The following MANBA variants were observed in gnomAD, a reference collection of about 807,000 sequenced individuals.
MANBA encodes mannosidase beta.
A neutral mutation model predicts 111.1 loss-of-function variants in MANBA; 83 were observed. The observed-to-expected ratio is 0.75, with a 90% CI of 0.63 to 0.90. The LOEUF is 0.90. Ranked by LOEUF, MANBA falls within the 40% of genes least tolerant of loss-of-function variation. The probability of loss-of-function intolerance (pLI) is 0.00; values close to 1 mark genes in which losing one functional copy is unlikely to be tolerated. For synonymous variants in MANBA, 370 were observed against 378.7 expected (o/e 0.98, Z 0.27); for missense variants, 1,036 against 1,069.0 (o/e 0.97, Z 0.43).
At position 102,723,025 on chromosome 4, in the gene MANBA, T is replaced by A. The variant is rs139801266; in HGVS notation, c.395A>T (p.Asn132Ile). ...AATGGAGTTCACGTCCCTGACCACGTTGGTAATATCAAAGCTCTAAGTTAA... is the reference window on the plus strand; with the variant it reads ...AATGGAGTTCACGTCCCTGACCACGATGGTAATATCAAAGCTCTAAGTTAA... ...MFNRYSFDITNVVRDVNSIEL... is the reference protein window; with the variant it reads ...MFNRYSFDITIVVRDVNSIEL... Residue 132 changes from asparagine to isoleucine, a missense_variant, in exon 4 of 17, where the codon AAC (asparagine) becomes ATC (isoleucine). Transcript: ENST00000647097. The A allele has an allele frequency of 1.9e-6, 3 of 1,613,840 alleles. No individual in the cohort carries two copies. The highest frequency in any genetic ancestry group is 2.5e-6 in the Non-Finnish European group (3 of 1,179,894).
At chr4:102,723,430 A>C (rs1722665218) in intron 3 of MANBA, among the ~76,000 whole-genome samples, 1 of 152,218 alleles carries the variant, frequency 6.6e-6, no homozygotes, top group African/African-American at 2.4e-5. Flanking sequence ...CGGTATGAAC[A>C]GCATGCATTT....
chr4:102,696,710 A>G (rs1732725043), intron 5 of MANBA, among the ~76,000 whole-genome samples: 1 of 152,194 alleles, frequency 6.6e-6, no homozygotes, highest in African/African-American at 2.4e-5. Context: ...TGCCTGGATT[A>G]GCTTTGCCCT....
At chr4:102,726,114 C>A in intron 2 of MANBA, among the ~76,000 whole-genome samples, 1 of 150,620 alleles carries the variant, frequency 6.6e-6, no homozygotes, top group Non-Finnish European at 1.5e-5. Flanking sequence ...AAAAAAAAAT[C>A]ACATAAAAGG....
At chr4:102,748,885 C>T (rs57680284) in intron 1 of MANBA, among the ~76,000 whole-genome samples, 1 of 151,936 alleles carries the variant, frequency 6.6e-6, no homozygotes, top group African/African-American at 2.4e-5. Context: ...TGCACTCCAG[C>T]CTGGGTGACA....
In MANBA at chr4:102,635,904, A is replaced by C. The variant is rs1729605350; in HGVS notation, c.2118T>G (p.Gly706=). ...AATAATCCGAGTGAAGATCTGACAC[A>C]CCATAGATATAGAACGTGTTTTCAT... ...FENENTFYIY[G]VSDLHSDYSM... is the part of the protein sequence containing the mutation. Residue 706 remains glycine, a synonymous_variant, in exon 15 of 17, where the codon GGT becomes GGG. Transcript: ENST00000647097. The C allele has an allele frequency of 6.2e-7, 1 of 1,612,190 alleles. No homozygotes were observed. Among genetic ancestry groups the C allele is most frequent in the Non-Finnish European group, 8.5e-7 (1 of 1,178,306 alleles).
chr4:102,663,438 A>C (rs190410677), intron 11 of MANBA, among the ~76,000 whole-genome samples: 323 of 152,340 alleles, frequency 2.1e-3, no homozygotes, highest in African/African-American at 7.2e-3. Context: ...TGAAAAACAT[A>C]ATATCAATAT....
intron 7 of MANBA, among the ~76,000 whole-genome samples, chr4:102,687,605 C>T (rs1307634957): frequency 6.6e-6 from 1 of 152,172 alleles, no homozygotes; most frequent in Admixed American, 6.5e-5. Context: ...TGCTACATTA[C>T]TTGGCCAAAT....
intron 9 of MANBA, 148 bp downstream of exon 9, chr4:102,671,133 G>T (rs771139630): frequency 3.1e-6 from 2 of 648,414 alleles, no homozygotes; most frequent in Non-Finnish European, 5.6e-6. Flanking sequence ...TATGGCTCTT[G>T]GTTTACAAGA....
intron 13 of MANBA, among the ~76,000 whole-genome samples, chr4:102,646,380 C>T (rs1370326361): frequency 6.6e-6 from 1 of 152,082 alleles, no homozygotes; most frequent in Non-Finnish European, 1.5e-5. Context: ...CAGCAGGTAT[C>T]ATCAAAACCT....
At chr4:102,757,344 AGCAGGCTGAAGGAATAACT>A (rs957307465) in intron 1 of MANBA, among the ~76,000 whole-genome samples, 2 of 151,970 alleles carry the variant, frequency 1.3e-5, no homozygotes, top group African/African-American at 4.8e-5. Context: ...AAAAAAAAAT[AGCAGGCTGAAGGAATAACT>A]TTTCACAGAG....
At chr4:102,650,017 G>T (rs1285679656) in intron 13 of MANBA, among the ~76,000 whole-genome samples, 2 of 152,144 alleles carry the variant, frequency 1.3e-5, no homozygotes, top group African/African-American at 4.8e-5. Context: ...AAGTAGTTGG[G>T]ACTACAGGTG....
chr4:102,760,562 G>C (rs1013003030), intron 1 of MANBA, among the ~76,000 whole-genome samples, 156 bp downstream of exon 1: 1 of 152,210 alleles, frequency 6.6e-6, no homozygotes, highest in African/African-American at 2.4e-5. Context: ...CATAGCTTGG[G>C]CATTTCCCCC....
rs371962590 is a variant in MANBA at position 102,632,226 on chromosome 4, A to T, written c.2471T>A (p.Val824Asp). 101 of 1,613,836 alleles carry T rather than the reference A, an allele frequency of 6.3e-5. No homozygotes were observed. The highest frequency in any genetic ancestry group is 8.1e-5 in the Non-Finnish European group (95 of 1,179,842). ...IFVFDLETSA[V>D]APFVWLDVGS... ...TACATCCAACCAAACAAAGGGAGCG[A>T]CAGCTGAGGTCTCCAGGTCAAAAAC... Residue 824 changes from valine (V) to aspartate (D), a missense_variant, in exon 17 of 17, where the codon GTC (valine) becomes GAC (aspartate). By Grantham distance (152) the Val-to-Asp change is radical. Coordinates refer to ENST00000647097, the MANE Select transcript of MANBA (RefSeq NM_005908.4).
chr4:102,697,884 G>T (rs918487322), intron 5 of MANBA, among the ~76,000 whole-genome samples: 8 of 151,996 alleles, frequency 5.3e-5, no homozygotes, highest in African/African-American at 1.7e-4. Context: ...GTAATGGGAT[G>T]GCTGGGTCAA....
chr4:102,694,174 A>G (rs753819411), intron 5 of MANBA, among the ~76,000 whole-genome samples: 13 of 152,144 alleles, frequency 8.5e-5, no homozygotes, highest in Admixed American at 2.6e-4. Context: ...CCAGAGCATC[A>G]CCCGTTAACA....
rs767103860 is a variant in MANBA, at chr4:102,760,818, C to A, written c.77G>T (p.Arg26Leu). ...TTAAELSYSL[R>L]GNWSICNGNG... is the part of the protein sequence containing the mutation. ...CCCATTGCAGATGCTCCAGTTGCCA[C>A]GCAAGCTGTAACTGAGCTCCGCGGC... The change falls in exon 1 of 17, where the codon CGT becomes CTT. Residue 26 changes from arginine (R) to leucine (L), a missense_variant. Physicochemically the swap from Arg to Leu is moderately radical, Grantham distance 102. Coordinates refer to ENST00000647097, the MANE Select transcript of MANBA (RefSeq NM_005908.4). 33 of 1,565,390 alleles carry A rather than the reference C, an allele frequency of 2.1e-5. No individual in the cohort carries two copies. The highest frequency in any genetic ancestry group is 1.7e-4 in the Middle Eastern group (1 of 5,972).
chr4:102,646,193 C>T (rs1730094237), intron 13 of MANBA, among the ~76,000 whole-genome samples: 1 of 152,070 alleles, frequency 6.6e-6, no homozygotes, highest in Non-Finnish European at 1.5e-5. Context: ...TACATATTGG[C>T]TTGATTATTA....
Position 102,697,124 on chromosome 4 carries a change from T to A in MANBA, c.674-6353A>T, listed in dbSNP as rs551558337. 1.8e-4 allele frequency among the ~76,000 whole-genome samples: 27 copies of A among 152,098 alleles called. No homozygotes were observed. The East Asian group carries it at 5.2e-3, about 29-fold the overall frequency. On this transcript the variant is annotated intron_variant, in intron 5 of 16. Transcript: ENST00000647097. The stretch of plus-strand genomic sequence containing the variant: ...CTAGAACAAGGATAAGTTAGTAAGC[T>A]CCAAAGAAGAAAATTTACTCAAGCA...
chr4:102,732,201 G>A (rs905954230), intron 1 of MANBA, among the ~76,000 whole-genome samples: 10 of 152,156 alleles, frequency 6.6e-5, no homozygotes, highest in African/African-American at 7.2e-5. Context: ...ATGAGCCACC[G>A]CATCTGGACT....
Sources: gnomAD v4.1 joint callset for allele counts (sites outside exome capture counted in the v4.1 genomes callset) on GRCh38, gnomAD v4.1.1 for gene constraint, MANE v1.5 for transcripts, NCBI Gene and HGNC (gene_info 2026-07-23, HGNC 2026-07-21) for gene names.